The following PDE4B variants were observed in gnomAD, a reference collection of about 807,000 sequenced individuals.
PDE4B encodes the protein 3',5'-cyclic-AMP phosphodiesterase 4B.
PDE4B carries 20 observed loss-of-function variants against 82.2 expected under a neutral mutation model. The ratio of observed to expected loss-of-function variants is 0.24; its 90% CI spans 0.17 to 0.35. The LOEUF is 0.35. PDE4B is among the 10% of genes least tolerant of loss of function. The pLI, the probability that PDE4B is intolerant of heterozygous loss-of-function variation, is 1.00. For synonymous variants in PDE4B, 320 were observed against 318.9 expected (o/e 1.00, Z -0.04); for missense variants, 655 against 907.2 (o/e 0.72, Z 3.57).
At chr1:66,247,890 T>A (rs1653449621) in intron 4 of PDE4B, among the ~76,000 whole-genome samples, 1 of 152,226 alleles carries the variant, frequency 6.6e-6, no homozygotes, top group African/African-American at 2.4e-5. Flanking sequence ...TTACTTTACA[T>A]CTTTTACTGA....
intron 3 of PDE4B, among the ~76,000 whole-genome samples, chr1:66,170,055 T>A (rs1449063857): frequency 6.6e-6 from 1 of 152,172 alleles, no homozygotes; most frequent in African/African-American, 2.4e-5. Context: ...AGTTAAGTAA[T>A]AATTATGTAG....
chr1:65,924,322 C>T (rs1647382570), intron 3 of PDE4B, among the ~76,000 whole-genome samples: 1 of 151,130 alleles, frequency 6.6e-6, no homozygotes, highest in Non-Finnish European at 1.5e-5. Context: ...GATCCGCCCG[C>T]CTCGGCCTCC....
chr1:66,107,488 A>C (rs1416990123), intron 3 of PDE4B, among the ~76,000 whole-genome samples: 1 of 149,194 alleles, frequency 6.7e-6, no homozygotes, highest in Admixed American at 6.9e-5. Context: ...TCAGCTGTTC[A>C]CATAATTTAG....
At chr1:66,127,188 T>C (rs1271703672) in intron 3 of PDE4B, among the ~76,000 whole-genome samples, 1 of 152,180 alleles carries the variant, frequency 6.6e-6, no homozygotes, top group Non-Finnish European at 1.5e-5. Flanking sequence ...GATTGTACTA[T>C]GAATATGTTC....
chr1:66,289,599 A>G (rs1656924870), intron 7 of PDE4B, among the ~76,000 whole-genome samples: 1 of 152,048 alleles, frequency 6.6e-6, no homozygotes, highest in African/African-American at 2.4e-5. Flanking sequence ...TTGGTGGCAT[A>G]TAGACAGGGC....
At position 65,918,653 on chromosome 1, in the gene PDE4B, C is replaced by T. The variant is rs1647189445; in HGVS notation, c.99C>T (p.Asn33=). 1 of 1,613,488 alleles carries T rather than the reference C, an allele frequency of 6.2e-7. No individual in the cohort carries two copies. Among genetic ancestry groups the T allele is most frequent in the Non-Finnish European group, 8.5e-7 (1 of 1,179,550 alleles). ...GTAAATCCTACAGTTCTTCCAGTAA[C>T]ACACTTGGGATCGACCTCTGGAGAG... ...SLSKSYSSSS[N]TLGIDLWRGR... Residue 33 remains asparagine (N), a synonymous_variant, in exon 3 of 17, where the codon AAC becomes AAT. Coordinates refer to ENST00000341517, the MANE Select transcript of PDE4B (RefSeq NM_002600.4).
At chr1:66,337,891 G>T (rs1315850627) in intron 8 of PDE4B, among the ~76,000 whole-genome samples, 4 of 152,142 alleles carry the variant, frequency 2.6e-5, no homozygotes, top group Non-Finnish European at 4.4e-5. Flanking sequence ...AGTGAAAAGA[G>T]CCTAGGAATA....
chr1:66,063,860 G>A (rs1240063168), intron 3 of PDE4B, among the ~76,000 whole-genome samples: 1 of 151,924 alleles, frequency 6.6e-6, no homozygotes, highest in Non-Finnish European at 1.5e-5. Context: ...ATATTTTATG[G>A]AAGGTACTTT....
At chr1:66,334,134 G>A (rs1025606723) in intron 8 of PDE4B, among the ~76,000 whole-genome samples, 3 of 152,238 alleles carry the variant, frequency 2.0e-5, no homozygotes, top group Non-Finnish European at 4.4e-5. Flanking sequence ...GGTAATTGAC[G>A]GCTATGCAAG....
At chr1:66,302,123 C>T (rs1249229761) in intron 7 of PDE4B, among the ~76,000 whole-genome samples, 9 of 152,152 alleles carry the variant, frequency 5.9e-5, no homozygotes, top group Admixed American at 1.3e-4. Context: ...GTCCTATACT[C>T]ATTTCTGGAG....
At chr1:66,200,347 A>G (rs958933562) in intron 3 of PDE4B, among the ~76,000 whole-genome samples, 2 of 152,186 alleles carry the variant, frequency 1.3e-5, no homozygotes, top group Non-Finnish European at 2.9e-5. Context: ...TTGGTTCCAT[A>G]TGAACTTTAC....
At chr1:66,058,297 G>T (rs1471287044) in intron 3 of PDE4B, among the ~76,000 whole-genome samples, 3 of 152,196 alleles carry the variant, frequency 2.0e-5, no homozygotes, top group African/African-American at 7.2e-5. Context: ...CCTCCCAGCT[G>T]CTTTCATGGG....
intron 4 of PDE4B, among the ~76,000 whole-genome samples, chr1:66,248,165 C>A (rs1242597707): frequency 6.6e-6 from 1 of 152,174 alleles, no homozygotes; most frequent in Non-Finnish European, 1.5e-5. Context: ...TGTTGCCTGG[C>A]TCCTTGGTGA....
chr1:66,318,521 A>G (rs924319389), intron 7 of PDE4B, among the ~76,000 whole-genome samples: 1 of 152,176 alleles, frequency 6.6e-6, no homozygotes, highest in Non-Finnish European at 1.5e-5. Flanking sequence ...AAAAATCATT[A>G]TTTTTATTAC....
At chr1:65,821,166 A>G (rs1198823819) in intron 1 of PDE4B, among the ~76,000 whole-genome samples, 5 of 152,222 alleles carry the variant, frequency 3.3e-5, no homozygotes, top group African/African-American at 9.6e-5. Flanking sequence ...CAGCTTGGTC[A>G]GGCACAGTGG....
At chr1:66,061,163 G>A (rs1655565275) in intron 3 of PDE4B, among the ~76,000 whole-genome samples, 1 of 150,722 alleles carries the variant, frequency 6.6e-6, no homozygotes, top group African/African-American at 2.4e-5. Flanking sequence ...CATGAACTCA[G>A]GAGGATGACA....
At chr1:66,212,226 G>C (rs929872654) in intron 3 of PDE4B, among the ~76,000 whole-genome samples, 1 of 152,160 alleles carries the variant, frequency 6.6e-6, no homozygotes, top group African/African-American at 2.4e-5. Flanking sequence ...TCTGCTTACA[G>C]TTGGTACCAA....
At chr1:66,311,813 G>A (rs973543580) in intron 7 of PDE4B, among the ~76,000 whole-genome samples, 7 of 152,240 alleles carry the variant, frequency 4.6e-5, no homozygotes, top group African/African-American at 1.7e-4. Context: ...CAGTGGCAGA[G>A]AGTGGAGACA....
At chr1:65,992,671 A>G in intron 3 of PDE4B, 3 of 1,234,088 alleles carry the variant, frequency 2.4e-6, no homozygotes, top group Non-Finnish European at 1.0e-6. Flanking sequence ...CATTGGAAGC[A>G]CTTTGGCGCA....
Sources: allele counts gnomAD v4.1 joint callset (sites outside exome capture counted in the v4.1 genomes callset), GRCh38; gene constraint gnomAD v4.1.1; transcripts MANE v1.5; gene names NCBI Gene and HGNC (gene_info 2026-07-23, HGNC 2026-07-21).